The following PFKFB3 variants were observed in gnomAD, a reference collection of about 807,000 sequenced individuals.
The protein encoded by PFKFB3 is 6-phosphofructo-2-kinase/fructose-2,6-bisphosphatase 3.
In PFKFB3, 33 loss-of-function variants were observed where a neutral mutation model predicts 68.0. That is an observed-to-expected ratio of 0.49 (90% CI 0.37 to 0.65). The LOEUF is 0.65. PFKFB3 is among the 30% of genes least tolerant of loss of function. The probability of loss-of-function intolerance (pLI) is 0.00; values close to 1 mark genes in which losing one functional copy is unlikely to be tolerated. For synonymous variants in PFKFB3, 315 were observed against 288.2 expected, an observed-to-expected ratio of 1.09 and a Z score of -0.94; for missense variants, 586 against 712.2, an observed-to-expected ratio of 0.82 and a Z score of 2.02.
intron 1 of PFKFB3, among the ~76,000 whole-genome samples, chr10:6,205,387 C>CTT (rs1843614506): frequency 1.5e-5 from 1 of 67,804 alleles, no homozygotes; most frequent in Non-Finnish European, 2.8e-5. Context: ...TTTCTTTCTT[C>CTT]CTTTTTTTTT....
In PFKFB3 at chr10:6,232,861, C is replaced by T. The variant is rs779748950; in HGVS notation, c.1516-34C>T. On this transcript the variant is annotated intron_variant, in intron 14 of 14. Coordinates refer to ENST00000379775, the MANE Select transcript of PFKFB3 (RefSeq NM_004566.4). ...GAATTCAGCCAGCTACAAATCCTAA[C>T]TCCCTCCCCACCTCTCTTTTCTCCT... 9 of 1,586,094 alleles carry T rather than the reference C, an allele frequency of 5.7e-6. No individual in the cohort carries two copies. In the South Asian group the frequency reaches 6.6e-5, roughly 12 times the overall value.
rs1379691918 is a variant in PFKFB3, at chr10:6,228,444, G to A, written c.1515+2079G>A. 14 of 624,238 alleles carry A rather than the reference G, an allele frequency of 2.2e-5. No individual in the cohort carries two copies. The highest frequency in any genetic ancestry group is 9.6e-5 in the Admixed American group (4 of 41,728). 38.7% of individuals were successfully genotyped at this position (624,238 alleles called of 1,614,324 possible). A position where few individuals can be genotyped will look rare whatever the true frequency, so the allele number is the denominator to read the frequency against. On this transcript the variant is annotated intron_variant, in intron 14 of 14. Transcript: ENST00000379775. The surrounding 1 kb of genome is among the most constrained non-coding windows in gnomAD (Gnocchi z 4.5). ...GCTGCACTACTGTTGGGTGTGTTCCGACACCGCCGCACGACCGCTGGCTTC... is the reference window on the plus strand; with the variant it reads ...GCTGCACTACTGTTGGGTGTGTTCCAACACCGCCGCACGACCGCTGGCTTC...
intron 13 of PFKFB3, chr10:6,224,557 T>A (rs780120321): frequency 2.2e-6 from 1 of 463,408 alleles, no homozygotes; most frequent in Non-Finnish European, 4.2e-6. Flanking sequence ...CACGGCTCAC[T>A]GCAGCCTCAA....
the PFKFB3 span, among the ~76,000 whole-genome samples, chr10:6,299,444 C>G: frequency 6.6e-6 from 1 of 152,156 alleles, no homozygotes; most frequent in African/African-American, 2.4e-5. Context: ...GTTGTCCTAA[C>G]GTGCCTCCTT....
chr10:6,248,329 C>A (rs11812977), intron 14 of PFKFB3, among the ~76,000 whole-genome samples: 53,594 of 152,026 alleles, frequency 0.35, 12,902 homozygotes, highest in East Asian at 0.66. Context: ...TACGGAAAGA[C>A]AGCAAATAAT....
intron 1 of PFKFB3, among the ~76,000 whole-genome samples, chr10:6,171,174 A>C (rs1310864299): frequency 6.6e-6 from 1 of 151,958 alleles, no homozygotes; most frequent in Non-Finnish European, 1.5e-5. Context: ...CAGCCTCCCG[A>C]GTAGCTGGGA....
chr10:6,266,392 T>C, the PFKFB3 span, among the ~76,000 whole-genome samples: 3 of 152,186 alleles, frequency 2.0e-5, no homozygotes, highest in Non-Finnish European at 4.4e-5. Context: ...TTTCTAGGCC[T>C]GTACAATACT....
rs774481512 is a variant in PFKFB3, at chr10:6,215,263, A to G, written c.245A>G (p.Tyr82Cys). 6.2e-7 allele frequency: 1 copy of G among 1,614,010 alleles called. No homozygotes were observed. The highest frequency in any genetic ancestry group is 2.2e-5 in the East Asian group (1 of 44,888). Residue 82 changes from tyrosine to cysteine, a missense_variant, in exon 3 of 15, where the codon TAC (tyrosine) becomes TGC (cysteine). Transcript: ENST00000379775. The surrounding 1 kb of genome is among the most constrained non-coding windows in gnomAD (Gnocchi z 4.3). ...GEYRREAVKQYSSYNFFRPDN... is the reference protein window; with the variant it reads ...GEYRREAVKQCSSYNFFRPDN... ...TATCGCCGGGAGGCTGTGAAGCAGT[A>G]CAGCTCCTACAACTTCTTCCGCCCC...
the PFKFB3 span, among the ~76,000 whole-genome samples, chr10:6,324,704 ACAGGCATGAGC>A: frequency 6.6e-6 from 1 of 152,174 alleles, no homozygotes; most frequent in African/African-American, 2.4e-5. Flanking sequence ...TGTTAGGGTT[ACAGGCATGAGC>A]CACTGCGCCC....
chr10:6,252,679 T>C (rs1429409647), intron 14 of PFKFB3, among the ~76,000 whole-genome samples: 8 of 152,246 alleles, frequency 5.3e-5, no homozygotes, highest in Non-Finnish European at 1.2e-4. Flanking sequence ...AACTATGTGA[T>C]AATTAAAAAT....
intron 1 of PFKFB3, among the ~76,000 whole-genome samples, chr10:6,155,484 G>A (rs1483348473): frequency 1.3e-5 from 2 of 152,102 alleles, no homozygotes; most frequent in African/African-American, 2.4e-5. Flanking sequence ...GATTACAGGC[G>A]TGAGCCACCG....
At chr10:6,305,005 A>ATTTTTTTT in the PFKFB3 span, among the ~76,000 whole-genome samples, 400 of 14,522 alleles carry the variant, frequency 0.028, 161 homozygotes, top group Non-Finnish European at 0.038. Flanking sequence ...AATATTAGGA[A>ATTTTTTTT]TTTTTTTTTT....
the PFKFB3 span, among the ~76,000 whole-genome samples, chr10:6,260,838 G>C: frequency 6.6e-6 from 1 of 152,100 alleles, no homozygotes; most frequent in African/African-American, 2.4e-5. Flanking sequence ...TATGAATAAT[G>C]ATTCTTGCAC....
intron 1 of PFKFB3, among the ~76,000 whole-genome samples, chr10:6,153,840 C>A (rs564554539): frequency 6.6e-6 from 1 of 150,630 alleles, no homozygotes; most frequent in Non-Finnish European, 1.5e-5. Flanking sequence ...GGAGACAGAG[C>A]GAGACTCCAT....
At chr10:6,189,027 A>G (rs1406609290) in intron 1 of PFKFB3, among the ~76,000 whole-genome samples, 4 of 151,854 alleles carry the variant, frequency 2.6e-5, no homozygotes, top group Non-Finnish European at 4.4e-5. Flanking sequence ...TTTTAGTGGA[A>G]ACGGGGTTTC....
intron 13 of PFKFB3, among the ~76,000 whole-genome samples, chr10:6,225,689 C>T (rs1410150966): frequency 6.7e-6 from 1 of 148,420 alleles, no homozygotes; most frequent in African/African-American, 2.5e-5. Context: ...GTTTTGCAGC[C>T]TCCGTGCCCC....
chr10:6,162,291 A>T (rs1841994780), intron 1 of PFKFB3, among the ~76,000 whole-genome samples: 1 of 152,160 alleles, frequency 6.6e-6, no homozygotes, highest in African/African-American at 2.4e-5. Context: ...CTGTTGTTGG[A>T]CACATGGATT....
chr10:6,174,957 A>G (rs184958177), intron 1 of PFKFB3, among the ~76,000 whole-genome samples: 1 of 151,862 alleles, frequency 6.6e-6, no homozygotes, highest in Non-Finnish European at 1.5e-5. Context: ...CTGAGATTAC[A>G]CCTGCCTGCC....
chr10:6,207,128 T>C (rs1431417565), intron 1 of PFKFB3, among the ~76,000 whole-genome samples: 2 of 152,198 alleles, frequency 1.3e-5, no homozygotes, highest in Admixed American at 6.5e-5. Context: ...ATCACGCCAC[T>C]GCACCCCAGC....
Sources: allele counts gnomAD v4.1 joint callset (sites outside exome capture counted in the v4.1 genomes callset), GRCh38; gene constraint gnomAD v4.1.1; non-coding constraint Gnocchi (gnomAD v3.1); transcripts MANE v1.5; gene names NCBI Gene and HGNC (gene_info 2026-07-23, HGNC 2026-07-21).